UNC13C: variants seen among roughly 807,000 people sequenced by gnomAD.
UNC13C encodes the protein protein unc-13 homolog C.
UNC13C carries 174 observed loss-of-function variants against 245.4 expected under a neutral mutation model. That is an observed-to-expected ratio of 0.71 (90% CI 0.63 to 0.80). The LOEUF (loss-of-function observed/expected upper bound fraction) is 0.80, where lower values mean the gene tolerates loss of function less well. UNC13C is among the 30% of genes least tolerant of loss of function. The pLI is 0.00. For synonymous variants in UNC13C, 992 were observed against 895.1 expected (o/e 1.11, Z -1.93); for missense variants, 2,829 against 2,602.9 (o/e 1.09, Z -1.89).
At chr15:54,572,810 C>G (rs1412792880) in intron 30 of UNC13C, among the ~76,000 whole-genome samples, 1 of 152,104 alleles carries the variant, frequency 6.6e-6, no homozygotes, top group Non-Finnish European at 1.5e-5. Flanking sequence ...GTTATTTAAT[C>G]AAAATGTGTG....
At chr15:53,951,382 T>G in the UNC13C span, among the ~76,000 whole-genome samples, 1 of 152,224 alleles carries the variant, frequency 6.6e-6, no homozygotes, top group Non-Finnish European at 1.5e-5. Context: ...AATCAAGCCA[T>G]TTTTTGGGCT....
At chr15:54,462,806 C>G (rs1891926346) in intron 19 of UNC13C, among the ~76,000 whole-genome samples, 1 of 152,192 alleles carries the variant, frequency 6.6e-6, no homozygotes, top group Admixed American at 6.5e-5. Context: ...AGCGTCTGGT[C>G]CCATCAACCA....
At chr15:54,270,783 A>G (rs2036666205) in intron 10 of UNC13C, among the ~76,000 whole-genome samples, 1 of 152,118 alleles carries the variant, frequency 6.6e-6, no homozygotes, top group Non-Finnish European at 1.5e-5. Context: ...CAAAGCTCAG[A>G]TGGGTTGTAG....
chr15:54,355,727 TA>T (rs1174251036), intron 17 of UNC13C, among the ~76,000 whole-genome samples: 2 of 152,144 alleles, frequency 1.3e-5, no homozygotes, highest in Non-Finnish European at 1.5e-5. Flanking sequence ...GCACATAATT[TA>T]AAAGATTTTT....
At chr15:53,869,770 A>G in the UNC13C span, among the ~76,000 whole-genome samples, 10 of 152,226 alleles carry the variant, frequency 6.6e-5, no homozygotes, top group African/African-American at 2.4e-4. Context: ...AGTATAGATT[A>G]AATGACAAAG....
intron 13 of UNC13C, among the ~76,000 whole-genome samples, chr15:54,310,080 A>G (rs551552795): frequency 4.1e-4 from 62 of 151,770 alleles, no homozygotes; most frequent in African/African-American, 1.4e-3. Context: ...AGATTGCAAC[A>G]GTACTTTTTG....
At chr15:54,117,660 C>A (rs954272753) in intron 2 of UNC13C, among the ~76,000 whole-genome samples, 1 of 151,856 alleles carries the variant, frequency 6.6e-6, no homozygotes, top group African/African-American at 2.4e-5. Flanking sequence ...TGACTCACTG[C>A]AGCCTCAACC....
chr15:54,079,430 C>G (rs933748284), intron 2 of UNC13C, among the ~76,000 whole-genome samples: 5 of 151,770 alleles, frequency 3.3e-5, no homozygotes, highest in Admixed American at 2.0e-4. Context: ...GATGTGAATT[C>G]TTCCTATTCA....
intron 2 of UNC13C, among the ~76,000 whole-genome samples, chr15:54,063,618 G>A (rs1191852574): frequency 6.6e-6 from 1 of 151,998 alleles, no homozygotes; most frequent in Non-Finnish European, 1.5e-5. Context: ...TCCAGCAATA[G>A]CATGGAAAAT....
intron 13 of UNC13C, among the ~76,000 whole-genome samples, chr15:54,310,256 T>A (rs755432409): frequency 4.0e-5 from 6 of 151,840 alleles, no homozygotes; most frequent in Admixed American, 1.3e-4. Flanking sequence ...TGATTTTCAA[T>A]GAATATGGTT....
intron 2 of UNC13C, among the ~76,000 whole-genome samples, chr15:54,105,445 C>T (rs1009612357): frequency 3.3e-5 from 5 of 152,164 alleles, no homozygotes; most frequent in African/African-American, 1.2e-4. Context: ...TAGACCCTTT[C>T]CCATTCTCTT....
At chr15:54,487,453 C>T (rs1893472536) in intron 19 of UNC13C, among the ~76,000 whole-genome samples, 1 of 151,972 alleles carries the variant, frequency 6.6e-6, no homozygotes, top group Admixed American at 6.6e-5. Context: ...CCTCCAAAGT[C>T]ATTGATTCTA....
At chr15:54,231,678 T>A (rs2035557050) in intron 4 of UNC13C, among the ~76,000 whole-genome samples, 1 of 152,176 alleles carries the variant, frequency 6.6e-6, no homozygotes, top group Non-Finnish European at 1.5e-5. Context: ...AAATTAGTTA[T>A]CCTTAGTGAG....
intron 2 of UNC13C, among the ~76,000 whole-genome samples, chr15:54,034,464 T>TC (rs1896489275): frequency 1.3e-5 from 2 of 152,202 alleles, no homozygotes; most frequent in Non-Finnish European, 2.9e-5. Flanking sequence ...TTAGTGGTAT[T>TC]AACTCTGTTT....
At chr15:54,496,611 G>A (rs2141091915) in intron 20 of UNC13C, among the ~76,000 whole-genome samples, 1 of 151,608 alleles carries the variant, frequency 6.6e-6, no homozygotes, top group East Asian at 1.9e-4. Context: ...ATATATATAT[G>A]TACACCATGG....
intron 13 of UNC13C, 59 bp from the exon 14 acceptor site, chr15:54,321,880 T>C (rs2038169071): frequency 6.8e-7 from 1 of 1,475,528 alleles, no homozygotes; most frequent in African/African-American, 1.4e-5. Context: ...AGAAGCTCTG[T>C]TGTTGTATGA....
At chr15:54,126,257 T>C (rs2031030683) in intron 2 of UNC13C, among the ~76,000 whole-genome samples, 2 of 152,096 alleles carry the variant, frequency 1.3e-5, no homozygotes, top group Non-Finnish European at 2.9e-5. Flanking sequence ...TGTAATGGTA[T>C]TGGGAGTTTG....
At chr15:54,023,100 C>T (rs1445552728) in intron 2 of UNC13C, among the ~76,000 whole-genome samples, 1 of 152,188 alleles carries the variant, frequency 6.6e-6, no homozygotes, top group Non-Finnish European at 1.5e-5. Flanking sequence ...TTCTATCAGA[C>T]TCAGTTCTAG....
In UNC13C at chr15:54,332,395, A is replaced by G. The variant is rs77059931; in HGVS notation, c.4494+284A>G. On this transcript the variant is annotated intron_variant, in intron 15 of 32. Transcript: ENST00000260323. ...ATTTTTAAAATAGCCATCAGATTCA[A>G]TGACCCTCAGCTAATTCATGAAGTA... Among the ~76,000 whole-genome samples, 617 of 151,482 alleles carry G rather than the reference A, an allele frequency of 4.1e-3. 27 individuals are homozygous for G. In the East Asian group the frequency reaches 0.087, roughly 21 times the overall value.
Sources: allele counts gnomAD v4.1 joint callset (sites outside exome capture counted in the v4.1 genomes callset), GRCh38; gene constraint gnomAD v4.1.1; transcripts MANE v1.5; gene names NCBI Gene and HGNC (gene_info 2026-07-23, HGNC 2026-07-21).